Variants in PSD3 observed in about 807,000 individuals in gnomAD.
PSD3 encodes the protein PH and SEC7 domain-containing protein 3.
Under a neutral mutation model 105.5 loss-of-function variants are expected in PSD3, and 49 were observed. The observed-to-expected ratio is 0.46, with a 90% CI of 0.37 to 0.59. PSD3 has a LOEUF of 0.59. PSD3 is among the 20% of genes least tolerant of loss of function. PSD3 has a pLI of 0.00. For missense variants in PSD3, 1,561 were observed against 1,263.8 expected (o/e 1.24, Z -3.57); for synonymous variants, 557 against 457.8 (o/e 1.22, Z -2.77).
Position 18,872,593 on chromosome 8 carries a change from G to C in PSD3, c.271C>G (p.Gln91Glu). The change falls in exon 3 of 16, where the codon CAG becomes GAG. Residue 91 changes from glutamine (Q) to glutamate (E), a missense_variant. Physicochemically the swap from Gln to Glu is conservative, Grantham distance 29. Coordinates refer to ENST00000327040, the MANE Select transcript of PSD3 (RefSeq NM_015310.4). ...GEALPCHPQEQQGVQPLTGCH... is the reference protein window; with the variant it reads ...GEALPCHPQEEQGVQPLTGCH... Reference sequence around the variant, plus strand: ...CCAGTAAGAGGCTGGACACCCTGCTGCTCTTGTGGGTGGCATGGCAGAGCC... The same window carrying C: ...CCAGTAAGAGGCTGGACACCCTGCTCCTCTTGTGGGTGGCATGGCAGAGCC... 2 of 1,614,112 alleles carry C rather than the reference G, an allele frequency of 1.2e-6. No homozygotes were observed.
intron 1 of PSD3, among the ~76,000 whole-genome samples, chr8:19,055,835 A>G (rs185611059): frequency 4.6e-5 from 7 of 152,306 alleles, no homozygotes; most frequent in Admixed American, 4.6e-4. Flanking sequence ...ATTACATTAA[A>G]CTTGATTGGA....
At chr8:19,071,710 A>ACTT (rs10665798) in intron 1 of PSD3, among the ~76,000 whole-genome samples, 75,818 of 151,042 alleles carry the variant, frequency 0.5, 19,358 homozygotes, top group East Asian at 0.76. Context: ...TCTGCCTCCG[A>ACTT]CTTCTTCTTC....
intron 2 of PSD3, among the ~76,000 whole-genome samples, chr8:18,880,917 T>A (rs918542907): frequency 6.6e-6 from 1 of 152,254 alleles, no homozygotes; most frequent in African/African-American, 2.4e-5. Flanking sequence ...AAAGAGTTCA[T>A]ACTTTACTGC....
chr8:19,014,396 G>A (rs1421361459), upstream of PSD3: 5 of 152,326 alleles, frequency 3.3e-5, no homozygotes, highest in African/African-American at 9.6e-5. The surrounding 1 kb of genome is among the most constrained non-coding windows in gnomAD (Gnocchi z 4.9). Flanking sequence ...GACAGTGCGT[G>A]CGCGGGGAGA....
At chr8:18,536,513 T>C (rs1437025031) in intron 15 of PSD3, among the ~76,000 whole-genome samples, 2 of 152,226 alleles carry the variant, frequency 1.3e-5, no homozygotes, top group Non-Finnish European at 2.9e-5. Flanking sequence ...TAGAAGCTGC[T>C]CTGGGTTTCC....
chr8:18,991,223 C>A (rs1353603066), intron 1 of PSD3, among the ~76,000 whole-genome samples: 1 of 152,056 alleles, frequency 6.6e-6, no homozygotes, highest in African/African-American at 2.4e-5. Flanking sequence ...CTAAGTCAGA[C>A]TGAATTTCAG....
chr8:18,666,194 G>A (rs919440293), intron 9 of PSD3, among the ~76,000 whole-genome samples: 1 of 152,132 alleles, frequency 6.6e-6, no homozygotes, highest in Non-Finnish European at 1.5e-5. Context: ...GGAATTATAG[G>A]GGCACGCCAC....
At chr8:18,611,473 A>G (rs896327619) in intron 11 of PSD3, among the ~76,000 whole-genome samples, 2 of 152,148 alleles carry the variant, frequency 1.3e-5, no homozygotes, top group Admixed American at 6.5e-5. Flanking sequence ...GGTTTGAGAT[A>G]CTGGCTTCAC....
At chr8:18,771,403 G>C (rs1234375330) in intron 8 of PSD3, among the ~76,000 whole-genome samples, 1 of 152,106 alleles carries the variant, frequency 6.6e-6, no homozygotes, top group East Asian at 1.9e-4. Context: ...TCTTACTTGT[G>C]TATTTTATAT....
chr8:18,949,236 AAAAAAAAAATATAT>A (rs1397737906), intron 1 of PSD3, among the ~76,000 whole-genome samples: 2 of 54,446 alleles, frequency 3.7e-5, no homozygotes, highest in African/African-American at 1.2e-4. Context: ...AAAAAAAAAA[AAAAAAAAAATATAT>A]ATATATATAT....
intron 2 of PSD3, among the ~76,000 whole-genome samples, chr8:18,882,665 C>T (rs561615220): frequency 2.0e-5 from 3 of 152,156 alleles, no homozygotes; most frequent in South Asian, 4.2e-4. Flanking sequence ...CTGTGTTGTC[C>T]AATTTGGTAG....
chr8:18,775,888 C>A (rs1007175318), intron 8 of PSD3, among the ~76,000 whole-genome samples: 1 of 152,050 alleles, frequency 6.6e-6, no homozygotes, highest in Non-Finnish European at 1.5e-5. Context: ...AGAGGTCTTC[C>A]CCTCCCCCGC....
In PSD3 at chr8:18,872,395, C is replaced by A; in HGVS notation, c.469G>T (p.Asp157Tyr). ...SGTLQATKVL[D>Y]QDAVSSFSVQ... is the part of the protein sequence containing the mutation. ...GAAAAACTAGAAACAGCATCTTGGT[C>A]CAGTACCTTTGTAGCCTGTAATGTT... Residue 157 changes from aspartate (D) to tyrosine (Y), a missense_variant, in exon 3 of 16, where the codon GAC becomes TAC. Transcript: ENST00000327040. 6.2e-7 allele frequency: 1 copy of A among 1,614,160 alleles called. No individual in the cohort carries two copies. The highest frequency in any genetic ancestry group is 8.5e-7 in the Non-Finnish European group (1 of 1,180,020).
rs919041846 is a variant in PSD3, at chr8:18,654,595, G to A, written c.2216+1047C>T. ...TTTAACAACAGTGGTATTGTTCTAC[G>A]TAGACCTAGGTGTAGCTCATCTTTA... is the stretch of plus-strand genomic sequence containing the variant. On this transcript the variant is annotated intron_variant, in intron 10 of 15. Transcript: ENST00000327040. Among the ~76,000 whole-genome samples the A allele has an allele frequency of 2.4e-4, 36 of 152,014 alleles. 1 individual carries two copies. Among genetic ancestry groups the A allele is most frequent in the Admixed American group, 6.5e-5 (1 of 15,274 alleles).
chr8:18,879,391 C>T, intron 2 of PSD3, among the ~76,000 whole-genome samples: 1 of 152,082 alleles, frequency 6.6e-6, no homozygotes, highest in Non-Finnish European at 1.5e-5. Flanking sequence ...GTTTACTGTT[C>T]TAAGAACTGG....
chr8:18,641,840 A>G (rs984828057), intron 10 of PSD3, among the ~76,000 whole-genome samples: 1 of 152,194 alleles, frequency 6.6e-6, no homozygotes, highest in African/African-American at 2.4e-5. Flanking sequence ...TGGGGTTTCT[A>G]TTATACCACA....
chr8:18,757,742 TAAAAC>T (rs1806176442), intron 9 of PSD3, among the ~76,000 whole-genome samples: 1 of 152,188 alleles, frequency 6.6e-6, no homozygotes, highest in Non-Finnish European at 1.5e-5. Context: ...ATATCCAGAG[TAAAAC>T]ATGACAATAA....
chr8:18,728,277 A>G (rs1277271676), intron 9 of PSD3, among the ~76,000 whole-genome samples: 1 of 152,216 alleles, frequency 6.6e-6, no homozygotes, highest in East Asian at 1.9e-4. Context: ...AGAACCTCCT[A>G]TCCACCAAAC....
At chr8:18,675,345 G>A (rs767860919) in intron 9 of PSD3, among the ~76,000 whole-genome samples, 4 of 152,190 alleles carry the variant, frequency 2.6e-5, no homozygotes, top group Non-Finnish European at 1.5e-5. Context: ...CTAAACTGCA[G>A]CTGAGTGCAA....
Sources: gnomAD v4.1 joint callset for allele counts (sites outside exome capture counted in the v4.1 genomes callset) on GRCh38, gnomAD v4.1.1 for gene constraint, Gnocchi (gnomAD v3.1) non-coding constraint, MANE v1.5 for transcripts, NCBI Gene and HGNC (gene_info 2026-07-23, HGNC 2026-07-21) for gene names.